EIF2B1: variants seen among roughly 807,000 people sequenced by gnomAD.
EIF2B1 encodes the protein translation initiation factor eIF2B subunit alpha.
Under a neutral mutation model 36.8 loss-of-function variants are expected in EIF2B1, and 30 were observed. The ratio of observed to expected loss-of-function variants is 0.81; its 90% CI spans 0.61 to 1.10. The LOEUF (loss-of-function observed/expected upper bound fraction) is 1.10. EIF2B1 is among the 50% of genes least tolerant of loss of function. The pLI is 0.00. For synonymous variants in EIF2B1, 139 were observed against 142.2 expected, an observed-to-expected ratio of 0.98 and a Z score of 0.16; for missense variants, 271 against 374.8, an observed-to-expected ratio of 0.72 and a Z score of 2.29.
rs1022496840 is a variant in EIF2B1 at position 123,630,122 on chromosome 12, C to G, written c.369+47G>C. 3.8e-6 allele frequency: 6 copies of G among 1,566,290 alleles called. No individual in the cohort carries two copies. Among genetic ancestry groups the G allele is most frequent in the African/African-American group, 1.4e-5 (1 of 73,992 alleles). The stretch of plus-strand genomic sequence containing the variant: ...CCGGATTTTACCCCAGGCAGTCGGA[C>G]TCGAAACCGTTGCTCCTCCTTACCA... On this transcript the variant is annotated intron_variant, in intron 4 of 8. Coordinates refer to ENST00000424014, the MANE Select transcript of EIF2B1 (RefSeq NM_001414.4). This position sits in a 1 kb window ranked among gnomAD's most constrained non-coding sequence, Gnocchi z 4.6.
At chr12:123,623,321 G>C (rs1955122710) in intron 7 of EIF2B1, among the ~76,000 whole-genome samples, 1 of 152,098 alleles carries the variant, frequency 6.6e-6, no homozygotes, top group African/African-American at 2.4e-5. Flanking sequence ...GGGCACTGGA[G>C]GTTGCAGTGA....
intron 4 of EIF2B1, among the ~76,000 whole-genome samples, chr12:123,628,351 CTTTTT>C (rs958119194): frequency 9.3e-5 from 7 of 74,956 alleles, no homozygotes; most frequent in Non-Finnish European, 1.5e-4. Context: ...CCCATAACCT[CTTTTT>C]TTTTTTTTTT....
At position 123,632,408 on chromosome 12, in the gene EIF2B1, G is replaced by C; in HGVS notation, c.52C>G (p.Pro18Ala). ...EYFKSQMKED[P>A]DMASAVAAIR... ...GCAGCCACTGCTGAGGCCATGTCAG[G>C]ATCTTCTTTCATCTGAGACTTAAAG... The change falls in exon 2 of 9, where the codon CCT (proline) becomes GCT (alanine). Residue 18 changes from proline to alanine, a missense_variant. By Grantham distance (27) the Pro-to-Ala change is conservative. Transcript: ENST00000424014. 1 of 1,613,836 alleles carries C rather than the reference G, an allele frequency of 6.2e-7. No homozygotes were observed. Among genetic ancestry groups the C allele is most frequent in the Non-Finnish European group, 8.5e-7 (1 of 1,179,932 alleles).
At chr12:123,621,971 C>T (rs781669663) in intron 8 of EIF2B1, 51 bp from the exon 9 acceptor site, 1 of 1,604,038 alleles carries the variant, frequency 6.2e-7, no homozygotes, top group South Asian at 1.1e-5. Context: ...GTGCTCTGAC[C>T]TGGTAGGGCC....
rs1328628145 is a variant in EIF2B1, at chr12:123,620,617, T to TATA, written c.*1136_*1138dup. ...ATATATATATATATATATATATATATATATATATATAAGCTCTTTTTTCTG... is the reference window on the plus strand; with the variant it reads ...ATATATATATATATATATATATATATATAATATATATATAAGCTCTTTTTTCTG... On this transcript the variant is annotated 3_prime_UTR_variant, in exon 9 of 9. Coordinates refer to ENST00000424014, the MANE Select transcript of EIF2B1 (RefSeq NM_001414.4). 1 of 122,808 alleles carries TATA rather than the reference T, an allele frequency of 8.1e-6. No individual in the cohort carries two copies. Among genetic ancestry groups the TATA allele is most frequent in the Non-Finnish European group, 1.7e-5 (1 of 60,272 alleles). The allele number at this position is 122,808 out of a possible 1,614,324, so 7.6% of individuals were successfully genotyped here.
intron 4 of EIF2B1, among the ~76,000 whole-genome samples, chr12:123,627,843 G>C (rs1429468398): frequency 6.6e-6 from 1 of 152,150 alleles, no homozygotes; most frequent in Non-Finnish European, 1.5e-5. Flanking sequence ...AAGAGAGTGA[G>C]ACTCTGTCTC....
At chr12:123,623,749 T>C (rs7972413) in intron 7 of EIF2B1, among the ~76,000 whole-genome samples, 74,964 of 151,984 alleles carry the variant, frequency 0.49, 20,180 homozygotes, top group African/African-American at 0.71. Context: ...GCTGGGATTA[T>C]AGGCGTGAGC....
Position 123,621,634 on chromosome 12 carries a change from C to T in EIF2B1, c.*122G>A, listed in dbSNP as rs1478016828. 3 of 1,262,698 alleles carry T rather than the reference C, an allele frequency of 2.4e-6. No individual in the cohort carries two copies. In the African/African-American group the frequency reaches 4.4e-5, roughly 19 times the overall value. The allele number at this position is 1,262,698 out of a possible 1,614,324, so 78.2% of individuals were successfully genotyped here. A position where few individuals can be genotyped will look rare whatever the true frequency, so the allele number is the denominator to read the frequency against. ...TTCTCCAAGATGTATGATTTTAAGTCCTTACTCCATAAATCTTCATTAAAC... is the reference window on the plus strand; with the variant it reads ...TTCTCCAAGATGTATGATTTTAAGTTCTTACTCCATAAATCTTCATTAAAC... On this transcript the variant is annotated 3_prime_UTR_variant, in exon 9 of 9. Coordinates refer to ENST00000424014, the MANE Select transcript of EIF2B1 (RefSeq NM_001414.4).
chr12:123,626,047 C>T (rs1363126013), intron 6 of EIF2B1: 2 of 243,272 alleles, frequency 8.2e-6, no homozygotes, highest in South Asian at 5.6e-5. Context: ...GCAGGAGAAT[C>T]GCTTGAACCT....
At chr12:123,626,644 C>A in intron 5 of EIF2B1, 151 bp from the exon 6 acceptor site, 1 of 884,082 alleles carries the variant, frequency 1.1e-6, no homozygotes. Context: ...ACTAAGGAAA[C>A]AAGAATTTGA....
At chr12:123,629,596 A>G (rs2135765697) in intron 4 of EIF2B1, among the ~76,000 whole-genome samples, 1 of 152,286 alleles carries the variant, frequency 6.6e-6, no homozygotes, top group Non-Finnish European at 1.5e-5. Flanking sequence ...GATCGAGACC[A>G]TCCTGGCTAA....
rs528467752 is a variant in EIF2B1 at position 123,630,386 on chromosome 12, C to G, written c.252+11G>C. On this transcript the variant is annotated intron_variant, in intron 3 of 8. Coordinates refer to ENST00000424014, the MANE Select transcript of EIF2B1 (RefSeq NM_001414.4). The surrounding 1 kb of genome is among the most constrained non-coding windows in gnomAD (Gnocchi z 4.6). ...AGTGGAAAGGTAACCCCAGGGAGAACAGGCACTTACGGAGTATTCCAGGGA... is the reference window on the plus strand; with the variant it reads ...AGTGGAAAGGTAACCCCAGGGAGAAGAGGCACTTACGGAGTATTCCAGGGA... 3 of 1,614,166 alleles carry G rather than the reference C, an allele frequency of 1.9e-6. No homozygotes were observed. Among genetic ancestry groups the G allele is most frequent in the South Asian group, 1.1e-5 (1 of 91,082 alleles).
rs1566210803 is a variant in EIF2B1, at chr12:123,620,583, TATATATATA to T, written c.*1164_*1172del. 322 of 25,442 alleles carry T rather than the reference TATATATATA, an allele frequency of 0.013. 8 individuals are homozygous for T. Among genetic ancestry groups the T allele is most frequent in the African/African-American group, 0.04 (305 of 7,560 alleles). The allele number at this position is 25,442 out of a possible 1,614,324, so 1.6% of individuals were successfully genotyped here. ...CACATATAGACATATGTACATATTA[TATATATATA>T]TATATATATATATATATATATATAT... On this transcript the variant is annotated 3_prime_UTR_variant, in exon 9 of 9. Transcript: ENST00000424014.
At chr12:123,623,512 T>TA (rs1288652187) in intron 7 of EIF2B1, among the ~76,000 whole-genome samples, 2 of 152,142 alleles carry the variant, frequency 1.3e-5, no homozygotes, top group Non-Finnish European at 2.9e-5. Context: ...TTCTGAAAGT[T>TA]AAATATATAG....
chr12:123,633,578 C>T lies in EIF2B1; in HGVS notation c.-21G>A. Reference sequence around the variant, plus strand: ...TCCATGGCGTCCTCCTGCTGCGGAGCCCCAGGGGACCCGAGCCGCCCGCGC... The same window carrying T: ...TCCATGGCGTCCTCCTGCTGCGGAGTCCCAGGGGACCCGAGCCGCCCGCGC... On this transcript the variant is annotated 5_prime_UTR_variant, in exon 1 of 9. Coordinates refer to ENST00000424014, the MANE Select transcript of EIF2B1 (RefSeq NM_001414.4). The T allele has an allele frequency of 6.2e-7, 1 of 1,608,828 alleles. No homozygotes were observed. Among genetic ancestry groups the T allele is most frequent in the Non-Finnish European group, 8.5e-7 (1 of 1,179,972 alleles).
intron 6 of EIF2B1, 78 bp downstream of exon 6, chr12:123,626,347 A>C (rs1955148107): frequency 6.3e-7 from 1 of 1,585,124 alleles, no homozygotes; most frequent in Non-Finnish European, 8.7e-7. Flanking sequence ...ACGGGACTCA[A>C]ACTTTCAATC....
In EIF2B1 at chr12:123,624,843, C is replaced by G. The variant is rs368027476; in HGVS notation, c.571G>C (p.Asp191His). The part of the protein sequence containing the change: ...AAVGYIMEKA[D>H]LVIVGAEGVV... ...CCTTCAGCACCAACTATGACAAGAT[C>G]TGCTTTCTCCATGATGTAGCTAAGG... Residue 191 changes from aspartate to histidine, a missense_variant, in exon 7 of 9, where the codon GAT (aspartate) becomes CAT (histidine). By Grantham distance (81) the Asp-to-His change is moderately conservative (BLOSUM62 -1). Transcript: ENST00000424014. 1.2e-6 allele frequency: 2 copies of G among 1,613,966 alleles called. No individual in the cohort carries two copies.
At position 123,621,665 on chromosome 12, in the gene EIF2B1, T is replaced by C; in HGVS notation, c.*91A>G. On this transcript the variant is annotated 3_prime_UTR_variant, in exon 9 of 9. Transcript: ENST00000424014. ...TCCATAAATCTTCATTAAACACATC[T>C]CAGTTTTGGCCTGACTCACTGGGGT... 1.3e-6 allele frequency: 2 copies of C among 1,524,042 alleles called. No individual in the cohort carries two copies. Among genetic ancestry groups the C allele is most frequent in the Admixed American group, 1.7e-5 (1 of 59,674 alleles). The allele number at this position is 1,524,042 out of a possible 1,614,324, so 94.4% of individuals were successfully genotyped here. A position where few individuals can be genotyped will look rare whatever the true frequency, so the allele number is the denominator to read the frequency against.
chr12:123,624,958 A>G (rs1955137247), intron 6 of EIF2B1, 96 bp from the exon 7 acceptor site: 1 of 1,168,956 alleles, frequency 8.6e-7, no homozygotes, highest in African/African-American at 1.5e-5. Context: ...TATCAAGGTA[A>G]GTTCCTCCCA....
Sources: allele counts gnomAD v4.1 joint callset (sites outside exome capture counted in the v4.1 genomes callset), GRCh38; gene constraint gnomAD v4.1.1; non-coding constraint Gnocchi (gnomAD v3.1); transcripts MANE v1.5; gene names NCBI Gene and HGNC (gene_info 2026-07-23, HGNC 2026-07-21).